The following CLDN14 variants were observed in gnomAD, a reference collection of about 807,000 sequenced individuals.
The protein encoded by CLDN14 is claudin-14.
A neutral mutation model predicts 2.1 loss-of-function variants in CLDN14; 2 were observed. The ratio of observed to expected loss-of-function variants is 0.96; its 90% confidence interval spans 0.39 to 3.01. The LOEUF (loss-of-function observed/expected upper bound fraction) is 3.01, where lower values mean the gene tolerates loss of function less well. CLDN14 is among the 30% of genes most tolerant of loss of function. CLDN14 has a pLI of 0.09. For missense variants in CLDN14, 298 were observed against 328.0 expected (o/e 0.91, Z 0.71); for synonymous variants, 136 against 154.4 (o/e 0.88, Z 0.88).
intron 1 of CLDN14, among the ~76,000 whole-genome samples, chr21:36,470,869 T>C (rs1016651566): frequency 2.0e-5 from 3 of 152,084 alleles, no homozygotes; most frequent in African/African-American, 7.2e-5. Context: ...CCAGCTACTT[T>C]GGAAGCTGAG....
intron 2 of CLDN14, chr21:36,486,329 C>G: frequency 1.2e-6 from 1 of 823,676 alleles, no homozygotes; most frequent in Non-Finnish European, 2.1e-6. Flanking sequence ...TCAGCAGGAC[C>G]TCGTCTGAGC....
intron 1 of CLDN14, among the ~76,000 whole-genome samples, chr21:36,549,371 G>T (rs1346539462): frequency 2.6e-5 from 4 of 152,018 alleles, no homozygotes; most frequent in Admixed American, 6.6e-5. Context: ...GTAAGAAAAT[G>T]CTGCAAAATG....
chr21:36,540,682 T>C (rs975092446), intron 1 of CLDN14, among the ~76,000 whole-genome samples: 1 of 151,930 alleles, frequency 6.6e-6, no homozygotes, highest in African/African-American at 2.4e-5. Context: ...GGGCTCCAGG[T>C]GGAGACATCT....
At chr21:36,506,158 G>A (rs947961221) in intron 2 of CLDN14, among the ~76,000 whole-genome samples, 6 of 152,156 alleles carry the variant, frequency 3.9e-5, no homozygotes, top group Admixed American at 1.3e-4. Flanking sequence ...ACATAACTAC[G>A]GTACATCCAC....
At position 36,524,657 on chromosome 21, in the gene CLDN14, C is replaced by T. The variant is rs561916043; in HGVS notation, c.-219-14157G>A. Among the ~76,000 whole-genome samples the T allele has an allele frequency of 5.9e-5, 9 of 152,302 alleles. 1 individual carries two copies. Among genetic ancestry groups the T allele is most frequent in the African/African-American group, 2.2e-4 (9 of 41,570 alleles). The stretch of plus-strand genomic sequence containing the variant: ...ATCGTATACCTACAGCCTCCTGGAC[C>T]TGGGCCCAGTAGAGCAAGTGCTGCC... On this transcript the variant is annotated intron_variant, in intron 1 of 2. Coordinates refer to the CLDN14 transcript ENST00000342108.
rs556591993 is a variant in CLDN14 at position 36,535,429 on chromosome 21, C to T, written c.-219-24929G>A. Reference sequence around the variant, plus strand: ...ATAAATAAAAGTAAAAAATAAAATACAAATAAAAATGATTTATAAAGACCA... The same window carrying T: ...ATAAATAAAAGTAAAAAATAAAATATAAATAAAAATGATTTATAAAGACCA... On this transcript the variant is annotated intron_variant, in intron 1 of 2. Transcript: ENST00000342108. Among the ~76,000 whole-genome samples the T allele has an allele frequency of 1.4e-3, 212 of 150,590 alleles. No homozygotes were observed. The South Asian group carries it at 0.016, about 11-fold the overall frequency.
At chr21:36,550,195 A>C (rs188640551) in intron 1 of CLDN14, among the ~76,000 whole-genome samples, 1 of 152,284 alleles carries the variant, frequency 6.6e-6, no homozygotes. Flanking sequence ...CCTACGTTTA[A>C]ATTTAAAAAC....
rs761918152 is a variant in CLDN14 at position 36,461,031 on chromosome 21, G to GC, written c.664dup (p.Ala222GlyfsTer60). ...GTGCGTGGCCGAGGTCACTGAGGGG[G>GC]CCCGATTGTCTTTGTAGGCAGCTGG... is the stretch of plus-strand genomic sequence containing the variant. On this transcript the variant is annotated frameshift_variant, in exon 2 of 2. Coordinates refer to ENST00000399135, the MANE Select transcript of CLDN14 (RefSeq NM_001146079.2). LOFTEE classifies it high-confidence loss of function. The GC allele has an allele frequency of 1.9e-6, 3 of 1,613,694 alleles. No individual in the cohort carries two copies. The highest frequency in any genetic ancestry group is 2.5e-6 in the Non-Finnish European group (3 of 1,179,988).
chr21:36,479,261 G>A (rs1298035094), intron 1 of CLDN14, among the ~76,000 whole-genome samples: 1 of 152,164 alleles, frequency 6.6e-6, no homozygotes, highest in African/African-American at 2.4e-5. Context: ...TGTCGTTCCT[G>A]GCTCATTAGG....
At chr21:36,513,603 T>C (rs1213905548) in intron 1 of CLDN14, among the ~76,000 whole-genome samples, 1 of 152,148 alleles carries the variant, frequency 6.6e-6, no homozygotes, top group African/African-American at 2.4e-5. Flanking sequence ...TTGGGTGCAT[T>C]TGAGGGGAAG....
intron 1 of CLDN14, among the ~76,000 whole-genome samples, chr21:36,547,451 A>G (rs1001109246): frequency 6.6e-6 from 1 of 152,216 alleles, no homozygotes; most frequent in Non-Finnish European, 1.5e-5. Flanking sequence ...TTGTGTAAAG[A>G]GACCAAAAAG....
chr21:36,515,789 C>CTCTTTTTTTTTT lies in CLDN14; in HGVS notation c.-219-5290_-219-5289insAAAAAAAAAAGA, dbSNP rs777338181. Reference sequence around the variant, plus strand: ...AAGCTGTGTTTCCCTTTTATCTTCTCTTTTTTTTTTTTTTTGAGACAGAGT... The same window carrying CTCTTTTTTTTTT: ...AAGCTGTGTTTCCCTTTTATCTTCTCTCTTTTTTTTTTTTTTTTTTTTTTTTTGAGACAGAGT... On this transcript the variant is annotated intron_variant, in intron 1 of 2. Transcript: ENST00000342108. 2.8e-4 allele frequency among the ~76,000 whole-genome samples: 32 copies of CTCTTTTTTTTTT among 115,308 alleles called. 1 individual carries two copies. Among genetic ancestry groups the CTCTTTTTTTTTT allele is most frequent in the African/African-American group, 5.0e-4 (14 of 28,214 alleles). The allele number at this position is 115,308 out of a possible 152,430, so 75.6% of individuals were successfully genotyped here.
At chr21:36,523,087 C>T (rs1390343572) in intron 1 of CLDN14, among the ~76,000 whole-genome samples, 1 of 152,166 alleles carries the variant, frequency 6.6e-6, no homozygotes, top group Non-Finnish European at 1.5e-5. Context: ...CCTGGCTGGA[C>T]CCTTCCTGAT....
intron 1 of CLDN14, among the ~76,000 whole-genome samples, chr21:36,521,982 G>A (rs1168386327): frequency 6.6e-6 from 1 of 152,154 alleles, no homozygotes; most frequent in Non-Finnish European, 1.5e-5. Context: ...TCTATCAGCA[G>A]CAACATGTCA....
chr21:36,524,114 ATT>A (rs34810928), intron 1 of CLDN14, among the ~76,000 whole-genome samples: 102 of 146,828 alleles, frequency 6.9e-4, no homozygotes, highest in Middle Eastern at 3.5e-3. Context: ...TCTGGCTAAG[ATT>A]TTTTTTTTTT....
intron 1 of CLDN14, among the ~76,000 whole-genome samples, chr21:36,524,561 G>C (rs2146496190): frequency 6.6e-6 from 1 of 152,356 alleles, no homozygotes; most frequent in Non-Finnish European, 1.5e-5. Flanking sequence ...CCGACCCTGA[G>C]CTCCACGTGA....
intron 1 of CLDN14, among the ~76,000 whole-genome samples, chr21:36,537,139 G>A (rs1321659995): frequency 3.3e-5 from 5 of 152,094 alleles, no homozygotes; most frequent in Non-Finnish European, 7.4e-5. Context: ...GCAGTGAGCC[G>A]GAGATGGCGC....
In CLDN14 at chr21:36,461,720, C is replaced by G. The variant is rs750364874; in HGVS notation, c.-25G>C. ...TGGTGCGGCTGCCTGCCTAGGCCAG[C>G]CGGGCAGCTCCCTGGGCCCTCGGGG... is the stretch of plus-strand genomic sequence containing the variant. On this transcript the variant is annotated 5_prime_UTR_variant, in exon 2 of 2. Transcript: ENST00000399135. The G allele has an allele frequency of 3.6e-5, 55 of 1,545,498 alleles. No individual in the cohort carries two copies. In the African/African-American group the frequency reaches 6.6e-4, roughly 18 times the overall value.
chr21:36,527,741 G>A (rs185787148), intron 1 of CLDN14, among the ~76,000 whole-genome samples: 14 of 152,028 alleles, frequency 9.2e-5, no homozygotes, highest in Middle Eastern at 3.4e-3. Context: ...AAAGGGAATC[G>A]TTATTGGTAA....
Sources: gnomAD v4.1 joint callset for allele counts (sites outside exome capture counted in the v4.1 genomes callset) on GRCh38, gnomAD v4.1.1 for gene constraint, MANE v1.5 for transcripts, NCBI Gene and HGNC (gene_info 2026-07-23, HGNC 2026-07-21) for gene names.